Variants in JPT2 observed in about 807,000 individuals in gnomAD.
JPT2 encodes the protein CRAMP_1 like.
JPT2 carries 9 observed loss-of-function variants against 15.9 expected under a neutral mutation model. That is an observed-to-expected ratio of 0.57 (90% confidence interval 0.34 to 0.99). The LOEUF is 0.99. Among genes scored for constraint, JPT2 ranks in the 50% least tolerant of loss-of-function variants. The probability of loss-of-function intolerance (pLI) is 0.02; values close to 1 mark genes in which losing one functional copy is unlikely to be tolerated. For synonymous variants in JPT2, 95 were observed against 91.7 expected, an observed-to-expected ratio of 1.04 and a Z score of -0.21; for missense variants, 267 against 252.1, an observed-to-expected ratio of 1.06 and a Z score of -0.40.
chr16:1,691,635 G>A (rs909308125), intron 2 of JPT2, among the ~76,000 whole-genome samples: 1 of 152,130 alleles, frequency 6.6e-6, no homozygotes, highest in Non-Finnish European at 1.5e-5. Context: ...CATAAGGGCT[G>A]CAGGCAGGCC....
At position 1,699,021 on chromosome 16, in the gene JPT2, A is replaced by C; in HGVS notation, c.*23A>C. On this transcript the variant is annotated 3_prime_UTR_variant, in exon 5 of 5. Coordinates refer to ENST00000248098, the MANE Select transcript of JPT2 (RefSeq NM_144570.3). ...TAAGAGAAGCCACTGCTCCACCCGG[A>C]GCCAGACCAGAAACTCAAGAGATAG... 6.2e-7 allele frequency: 1 copy of C among 1,609,862 alleles called. No homozygotes were observed. Among genetic ancestry groups the C allele is most frequent in the Non-Finnish European group, 8.5e-7 (1 of 1,177,356 alleles).
chr16:1,699,026 G>C lies in JPT2; in HGVS notation c.*28G>C, dbSNP rs1191598543. 6.2e-7 allele frequency: 1 copy of C among 1,605,126 alleles called. No individual in the cohort carries two copies. Among genetic ancestry groups the C allele is most frequent in the Non-Finnish European group, 8.5e-7 (1 of 1,173,464 alleles). On this transcript the variant is annotated 3_prime_UTR_variant, in exon 5 of 5. Transcript: ENST00000248098. The stretch of plus-strand genomic sequence containing the variant: ...GAAGCCACTGCTCCACCCGGAGCCA[G>C]ACCAGAAACTCAAGAGATAGGGTAG...
At chr16:1,694,707 A>C (rs1278798769) in intron 3 of JPT2, among the ~76,000 whole-genome samples, 3 of 152,004 alleles carry the variant, frequency 2.0e-5, no homozygotes, top group Non-Finnish European at 4.4e-5. Context: ...TTTTTTCACA[A>C]GGGTGCCAAG....
At chr16:1,681,107 G>A (rs1411551717) in intron 1 of JPT2, among the ~76,000 whole-genome samples, 1 of 152,222 alleles carries the variant, frequency 6.6e-6, no homozygotes, top group African/African-American at 2.4e-5. Flanking sequence ...GTCCCCAAAT[G>A]TGTGAGCTCT....
At chr16:1,683,413 C>T (rs1567468508) in intron 1 of JPT2, 2 of 585,286 alleles carry the variant, frequency 3.4e-6, no homozygotes, top group South Asian at 1.8e-5. Context: ...TCCCGGACAG[C>T]CCTTTCTCAT....
Position 1,699,161 on chromosome 16 carries a change from C to G in JPT2, c.*163C>G, listed in dbSNP as rs765349130. The G allele has an allele frequency of 2.1e-5, 16 of 767,000 alleles. No homozygotes were observed. The African/African-American group carries it at 2.2e-4, about 11-fold the overall frequency. 47.5% of individuals were successfully genotyped at this position (767,000 alleles called of 1,614,324 possible). A position where few individuals can be genotyped will look rare whatever the true frequency, so the allele number is the denominator to read the frequency against. ...GCCGTCATGACAGCTGCTTGGAGAC[C>G]CGTGCCTTCCAGATGGCTGGGAGAT... On this transcript the variant is annotated 3_prime_UTR_variant, in exon 5 of 5. Transcript: ENST00000248098.
Position 1,696,239 on chromosome 16 carries a change from AAAAC to A in JPT2, c.337-1565_337-1562del, listed in dbSNP as rs59665246. On this transcript the variant is annotated intron_variant, in intron 3 of 4. Coordinates refer to ENST00000248098, the MANE Select transcript of JPT2 (RefSeq NM_144570.3). ...ATGAGACTCTGTCTCAAAAAAACAA[AAAAC>A]AAACAAAAAAGCCTGGGCACAGTGG... 6.0e-5 allele frequency among the ~76,000 whole-genome samples: 9 copies of A among 150,998 alleles called. No individual in the cohort carries two copies. In the South Asian group the frequency reaches 6.3e-4, roughly 11 times the overall value.
chr16:1,679,156 T>A (rs2142217097), intron 1 of JPT2, among the ~76,000 whole-genome samples: 1 of 152,368 alleles, frequency 6.6e-6, no homozygotes, highest in East Asian at 1.9e-4. Flanking sequence ...TTACAAGGTC[T>A]TTCGTGCCAC....
At chr16:1,695,090 C>T (rs1332062752) in intron 3 of JPT2, among the ~76,000 whole-genome samples, 1 of 152,024 alleles carries the variant, frequency 6.6e-6, no homozygotes, top group Non-Finnish European at 1.5e-5. Context: ...AGAGAGACCT[C>T]AACTCTAAAA....
chr16:1,693,844 G>A (rs1381272705), intron 3 of JPT2, among the ~76,000 whole-genome samples: 1 of 151,774 alleles, frequency 6.6e-6, no homozygotes, highest in African/African-American at 2.4e-5. Context: ...TGGGGAACAA[G>A]GTGAAGAGCA....
chr16:1,687,869 G>A (rs1041949467), intron 2 of JPT2, among the ~76,000 whole-genome samples: 1 of 152,192 alleles, frequency 6.6e-6, no homozygotes. Context: ...TCTACACTTA[G>A]TCACACAGAC....
At chr16:1,683,557 C>T (rs916424462) in intron 1 of JPT2, 2 of 1,535,614 alleles carry the variant, frequency 1.3e-6, no homozygotes, top group Non-Finnish European at 1.7e-6. Context: ...CCCCCAGCCT[C>T]CTGAGTGGAC....
rs1402580588 is a variant in JPT2 at position 1,697,836 on chromosome 16, G to A, written c.361G>A (p.Glu121Lys). 1.2e-6 allele frequency: 2 copies of A among 1,614,036 alleles called. No homozygotes were observed. Among genetic ancestry groups the A allele is most frequent in the Non-Finnish European group, 1.7e-6 (2 of 1,179,966 alleles). The change falls in exon 4 of 5, where the codon GAA becomes AAA. Residue 121 changes from glutamate to lysine, a missense_variant. Transcript: ENST00000248098. Reference sequence around the variant, plus strand: ...GGATCATGTTTTCTTATGTGAAGGAGAAGAACCAAAATCGGATCTTAAAGG... The same window carrying A: ...GGATCATGTTTTCTTATGTGAAGGAAAAGAACCAAAATCGGATCTTAAAGG... Reference protein sequence around the residue: ...PKDHVFLCEGEEPKSDLKAAR... With the variant: ...PKDHVFLCEGKEPKSDLKAAR...
At position 1,698,837 on chromosome 16, in the gene JPT2, G is replaced by C. The variant is rs375873782; in HGVS notation, c.412G>C (p.Glu138Gln). 9 of 1,613,744 alleles carry C rather than the reference G, an allele frequency of 5.6e-6. No individual in the cohort carries two copies. The highest frequency in any genetic ancestry group is 1.6e-4 in the Middle Eastern group (1 of 6,082). Reference sequence around the variant, plus strand: ...TGCAAGGAGCATCCCGGCTGGAGCAGAGCCAGGTGAGAAAGGCAGCGCCAG... The same window carrying C: ...TGCAAGGAGCATCCCGGCTGGAGCACAGCCAGGTGAGAAAGGCAGCGCCAG... ...KAARSIPAGA[E>Q]PGEKGSARKA... The change falls in exon 5 of 5, where the codon GAG becomes CAG. Residue 138 changes from glutamate to glutamine, a missense_variant. Glu to Gln is a conservative substitution (Grantham distance 29). Coordinates refer to ENST00000248098, the MANE Select transcript of JPT2 (RefSeq NM_144570.3). This position sits in a 1 kb window ranked among gnomAD's most constrained non-coding sequence, Gnocchi z 4.9.
intron 1 of JPT2, among the ~76,000 whole-genome samples, chr16:1,679,772 G>A (rs1230783918): frequency 1.3e-5 from 2 of 151,236 alleles, no homozygotes; most frequent in African/African-American, 2.4e-5. Flanking sequence ...ATAATTACCC[G>A]TGGCAGGGTG....
intron 1 of JPT2, 79 bp downstream of exon 1, chr16:1,678,435 G>C (rs1596502976): frequency 3.0e-6 from 3 of 1,001,034 alleles, no homozygotes; most frequent in Middle Eastern, 3.7e-4. Context: ...GCGTCCACCA[G>C]CCGTGTGGGG....
chr16:1,682,959 C>A (rs1486250192), intron 1 of JPT2, among the ~76,000 whole-genome samples: 2 of 152,044 alleles, frequency 1.3e-5, no homozygotes, highest in African/African-American at 4.8e-5. Flanking sequence ...CATACCACCA[C>A]ACCCAGCTAA....
In JPT2 at chr16:1,698,539, G is replaced by A. The variant is rs933942904; in HGVS notation, c.386-272G>A. Among the ~76,000 whole-genome samples, 3 of 152,136 alleles carry A rather than the reference G, an allele frequency of 2.0e-5. No homozygotes were observed. Among genetic ancestry groups the A allele is most frequent in the Admixed American group, 1.3e-4 (2 of 15,274 alleles). Reference sequence around the variant, plus strand: ...AAGAAATGGGAGTGGTGTCTAACAAGCAATATAAAGAAACAATTCACTTAG... The same window carrying A: ...AAGAAATGGGAGTGGTGTCTAACAAACAATATAAAGAAACAATTCACTTAG... On this transcript the variant is annotated intron_variant, in intron 4 of 4. Coordinates refer to ENST00000248098, the MANE Select transcript of JPT2 (RefSeq NM_144570.3). The surrounding 1 kb of genome is among the most constrained non-coding windows in gnomAD (Gnocchi z 4.9).
chr16:1,685,090 G>A (rs756614566), intron 1 of JPT2, among the ~76,000 whole-genome samples: 1 of 152,062 alleles, frequency 6.6e-6, no homozygotes, highest in Admixed American at 6.6e-5. Flanking sequence ...ACTTTGGGAC[G>A]CCAAGGTGGG....
Sources: allele counts gnomAD v4.1 joint callset (sites outside exome capture counted in the v4.1 genomes callset), GRCh38; gene constraint gnomAD v4.1.1; non-coding constraint Gnocchi (gnomAD v3.1); transcripts MANE v1.5; gene names NCBI Gene and HGNC (gene_info 2026-07-23, HGNC 2026-07-21).